Variants in TAFA1 observed in about 807,000 individuals in gnomAD.
The protein encoded by TAFA1 is TAFA chemokine like family member 1.
Under a neutral mutation model 18.5 loss-of-function variants are expected in TAFA1, and 4 were observed. The ratio of observed to expected loss-of-function variants is 0.22; its 90% CI spans 0.11 to 0.49. The LOEUF (loss-of-function observed/expected upper bound fraction) is 0.49, where lower values mean the gene tolerates loss of function less well. Among genes scored for constraint, TAFA1 ranks in the 20% least tolerant of loss-of-function variants. TAFA1 has a pLI of 0.98. For synonymous variants in TAFA1, 56 were observed against 55.2 expected (o/e 1.01, Z -0.06); for missense variants, 147 against 169.0 (o/e 0.87, Z 0.72).
chr3:68,319,307 G>A (rs1019870991), intron 2 of TAFA1, among the ~76,000 whole-genome samples: 1 of 152,140 alleles, frequency 6.6e-6, no homozygotes, highest in African/African-American at 2.4e-5. Context: ...CTAGAACAGC[G>A]ATTCTCAACC....
At chr3:68,232,976 A>G (rs2066889117) in intron 2 of TAFA1, among the ~76,000 whole-genome samples, 1 of 152,106 alleles carries the variant, frequency 6.6e-6, no homozygotes, top group Non-Finnish European at 1.5e-5. Flanking sequence ...CCCACTAACA[A>G]TATATGAGTT....
At chr3:68,410,704 G>GTAA (rs1559657339) in intron 2 of TAFA1, among the ~76,000 whole-genome samples, 2 of 1,378 alleles carry the variant, frequency 1.5e-3, no homozygotes, top group Non-Finnish European at 3.0e-3. Flanking sequence ...TTTTCCATAA[G>GTAA]CAAAAAAAAA....
chr3:68,068,572 A>G (rs35196748), intron 2 of TAFA1, among the ~76,000 whole-genome samples: 1 of 152,220 alleles, frequency 6.6e-6, no homozygotes, highest in African/African-American at 2.4e-5. Flanking sequence ...AAATAAAAAT[A>G]TATCTGTATT....
At chr3:68,071,363 A>C (rs2064753219) in intron 2 of TAFA1, among the ~76,000 whole-genome samples, 1 of 152,202 alleles carries the variant, frequency 6.6e-6, no homozygotes, top group Admixed American at 6.5e-5. Flanking sequence ...TGCCCCCGTG[A>C]TTCAACAACC....
At chr3:68,500,800 T>C (rs1412010324) in intron 3 of TAFA1, among the ~76,000 whole-genome samples, 1 of 151,960 alleles carries the variant, frequency 6.6e-6, no homozygotes, top group Non-Finnish European at 1.5e-5. Context: ...ACACCCCCAC[T>C]TCAGAAGTTC....
chr3:68,404,007 C>T (rs2070546058), intron 2 of TAFA1, among the ~76,000 whole-genome samples: 1 of 152,190 alleles, frequency 6.6e-6, no homozygotes, highest in African/African-American at 2.4e-5. Context: ...ATAGCAACAG[C>T]ATCAGAGCAA....
intron 2 of TAFA1, among the ~76,000 whole-genome samples, chr3:68,064,328 T>C (rs1396951007): frequency 6.6e-6 from 1 of 152,198 alleles, no homozygotes; most frequent in African/African-American, 2.4e-5. Context: ...ATTTTTTTTA[T>C]TACCTGAACA....
intron 2 of TAFA1, among the ~76,000 whole-genome samples, chr3:68,241,045 G>A (rs1376249938): frequency 1.3e-5 from 2 of 152,092 alleles, no homozygotes; most frequent in East Asian, 3.9e-4. Flanking sequence ...CACCACTATA[G>A]ATATAAATCG....
chr3:68,056,065 A>G (rs1246560137), intron 2 of TAFA1, among the ~76,000 whole-genome samples: 1 of 152,156 alleles, frequency 6.6e-6, no homozygotes, highest in East Asian at 1.9e-4. Flanking sequence ...CCAATGGCCA[A>G]TGCCACCCTA....
At position 68,490,771 on chromosome 3, in the gene TAFA1, G is replaced by A. The variant is rs114772871; in HGVS notation, c.260-47985G>A. ...TTTTTCACTTTTAATTTCTAATGCA[G>A]TAAATATCAACAGATATCAATAGAT... On this transcript the variant is annotated intron_variant, in intron 3 of 4. Transcript: ENST00000478136. Among the ~76,000 whole-genome samples the A allele has an allele frequency of 9.4e-3, 1,426 of 151,956 alleles. 21 individuals carry two copies. Among genetic ancestry groups the A allele is most frequent in the African/African-American group, 0.033 (1,376 of 41,458 alleles).
intron 2 of TAFA1, among the ~76,000 whole-genome samples, chr3:68,047,364 AATGC>A (rs1270522752): frequency 6.6e-6 from 1 of 152,186 alleles, no homozygotes; most frequent in Non-Finnish European, 1.5e-5. Flanking sequence ...ATATGAGAAA[AATGC>A]ATAAATTCAA....
intron 2 of TAFA1, among the ~76,000 whole-genome samples, chr3:68,121,510 A>G (rs929882196): frequency 2.6e-5 from 4 of 152,088 alleles, no homozygotes; most frequent in Non-Finnish European, 4.4e-5. Flanking sequence ...TTTGAAGAAC[A>G]CTCTTGAACT....
At chr3:68,156,790 G>A (rs1017146441) in intron 2 of TAFA1, among the ~76,000 whole-genome samples, 1 of 151,344 alleles carries the variant, frequency 6.6e-6, no homozygotes, top group Non-Finnish European at 1.5e-5. Flanking sequence ...AAAATAATAA[G>A]TCTTGTACTA....
At chr3:68,288,765 T>A (rs1187212007) in intron 2 of TAFA1, among the ~76,000 whole-genome samples, 2 of 152,364 alleles carry the variant, frequency 1.3e-5, no homozygotes, top group Middle Eastern at 3.4e-3. Flanking sequence ...ATTCAATGAC[T>A]TATTAATGAC....
At chr3:68,371,430 T>G (rs368131388) in intron 2 of TAFA1, among the ~76,000 whole-genome samples, 2 of 152,188 alleles carry the variant, frequency 1.3e-5, no homozygotes, top group East Asian at 1.9e-4. Context: ...CCTGTGTCCA[T>G]GTGTTCTTAT....
chr3:68,365,179 C>T (rs950418925), intron 2 of TAFA1, among the ~76,000 whole-genome samples: 1 of 152,168 alleles, frequency 6.6e-6, no homozygotes, highest in African/African-American at 2.4e-5. Context: ...AGTAAGTATA[C>T]TGAGGTCCAT....
intron 2 of TAFA1, among the ~76,000 whole-genome samples, chr3:68,208,944 A>G (rs1326590378): frequency 6.6e-6 from 1 of 152,004 alleles, no homozygotes; most frequent in Non-Finnish European, 1.5e-5. Context: ...AATGTCTAAG[A>G]AATTCCACAC....
chr3:68,083,237 A>G (rs757033741), intron 2 of TAFA1, among the ~76,000 whole-genome samples: 1 of 152,222 alleles, frequency 6.6e-6, no homozygotes, highest in Non-Finnish European at 1.5e-5. Flanking sequence ...TAAGGAAATT[A>G]ATTGAGGCTA....
At chr3:68,180,018 A>ATTATTATTATTATTATTATTATTAT (rs2066176753) in intron 2 of TAFA1, among the ~76,000 whole-genome samples, 1 of 146,262 alleles carries the variant, frequency 6.8e-6, no homozygotes. Flanking sequence ...TAATTTTATT[A>ATTATTATTATTATTATTATTATTAT]TTATTATTAT....
Sources: gnomAD v4.1 joint callset for allele counts (sites outside exome capture counted in the v4.1 genomes callset) on GRCh38, gnomAD v4.1.1 for gene constraint, MANE v1.5 for transcripts, NCBI Gene and HGNC (gene_info 2026-07-23, HGNC 2026-07-21) for gene names.